The following MLIP variants were observed in gnomAD, a reference collection of about 807,000 sequenced individuals.
MLIP encodes the protein muscular LMNA-interacting protein.
In MLIP, 79 loss-of-function variants were observed where a neutral mutation model predicts 84.8. The ratio of observed to expected loss-of-function variants is 0.93; its 90% CI spans 0.78 to 1.12. MLIP has a LOEUF of 1.12. Among genes scored for constraint, MLIP ranks in the 50% most tolerant of loss-of-function variants. The pLI is 0.00. For missense variants in MLIP, 1,257 were observed against 1,160.6 expected (o/e 1.08, Z -1.21); for synonymous variants, 504 against 463.0 (o/e 1.09, Z -1.14).
At chr6:54,105,314 C>T (rs577694272) in intron 1 of MLIP, among the ~76,000 whole-genome samples, 12 of 152,240 alleles carry the variant, frequency 7.9e-5, no homozygotes, top group East Asian at 7.7e-4. Flanking sequence ...GGGCTGTGAA[C>T]GCCAGTGATT....
At chr6:54,218,349 G>A (rs1004222344) in intron 11 of MLIP, among the ~76,000 whole-genome samples, 1 of 152,110 alleles carries the variant, frequency 6.6e-6, no homozygotes, top group African/African-American at 2.4e-5. Context: ...CATAGACAGG[G>A]TACTGTGAAA....
intron 1 of MLIP, among the ~76,000 whole-genome samples, chr6:54,039,691 A>T (rs1474559090): frequency 1.3e-5 from 2 of 152,034 alleles, no homozygotes; most frequent in Admixed American, 6.6e-5. Flanking sequence ...TTTCCCTAAG[A>T]TCACTTAGTG....
At chr6:54,220,271 A>G (rs1274243699) in intron 11 of MLIP, among the ~76,000 whole-genome samples, 2 of 152,128 alleles carry the variant, frequency 1.3e-5, no homozygotes, top group East Asian at 3.8e-4. Context: ...ATCATACTTG[A>G]TAAGACATTA....
intron 1 of MLIP, among the ~76,000 whole-genome samples, chr6:54,085,787 A>C (rs1426756616): frequency 6.6e-6 from 1 of 152,152 alleles, no homozygotes; most frequent in Non-Finnish European, 1.5e-5. Flanking sequence ...TCATTTTCCT[A>C]CATGAATAGT....
At chr6:54,051,304 A>G (rs1409045792) in intron 1 of MLIP, among the ~76,000 whole-genome samples, 2 of 151,924 alleles carry the variant, frequency 1.3e-5, no homozygotes, top group Non-Finnish European at 2.9e-5. Flanking sequence ...CTTAGAATCA[A>G]TGCATTCTTT....
chr6:54,108,266 T>C (rs186791497), upstream of MLIP, among the ~76,000 whole-genome samples: 17 of 152,318 alleles, frequency 1.1e-4, no homozygotes, highest in East Asian at 3.3e-3. Flanking sequence ...TAAAAGTTTG[T>C]GATTATAAAA....
intron 1 of MLIP, among the ~76,000 whole-genome samples, chr6:54,020,465 G>A (rs755900919): frequency 6.6e-6 from 1 of 152,192 alleles, no homozygotes; most frequent in Non-Finnish European, 1.5e-5. Context: ...TATGAAACCA[G>A]ATAGGGAGTA....
chr6:54,088,715 T>C (rs1297577731), intron 1 of MLIP, among the ~76,000 whole-genome samples: 1 of 152,206 alleles, frequency 6.6e-6, no homozygotes, highest in Non-Finnish European at 1.5e-5. Flanking sequence ...CTCGCGGTTG[T>C]GCCAGGTGAT....
chr6:54,218,489 G>A (rs975554593), intron 11 of MLIP, among the ~76,000 whole-genome samples: 1 of 152,122 alleles, frequency 6.6e-6, no homozygotes, highest in African/African-American at 2.4e-5. Context: ...GTACATTATT[G>A]TAGACTTTAG....
chr6:54,257,465 C>A, intron 13 of MLIP, 104 bp downstream of exon 13: 1 of 821,282 alleles, frequency 1.2e-6, no homozygotes. Flanking sequence ...GCTTTTATAA[C>A]AAAAGAAAGA....
chr6:54,195,205 T>C (rs1312995563), intron 10 of MLIP, among the ~76,000 whole-genome samples: 3 of 152,086 alleles, frequency 2.0e-5, no homozygotes, highest in Admixed American at 1.3e-4. Flanking sequence ...TTTGAGCCCA[T>C]AAAATTAGTA....
At chr6:54,026,772 A>G (rs1256158910) in intron 1 of MLIP, among the ~76,000 whole-genome samples, 2 of 151,708 alleles carry the variant, frequency 1.3e-5, no homozygotes. Context: ...TATTCCAAAG[A>G]GGTTTTCTAT....
chr6:54,235,896 T>C (rs943147316), intron 12 of MLIP, among the ~76,000 whole-genome samples: 3 of 152,190 alleles, frequency 2.0e-5, no homozygotes, highest in South Asian at 2.1e-4. Context: ...ATGAGCCATA[T>C]AATACATGGT....
intron 10 of MLIP, among the ~76,000 whole-genome samples, chr6:54,196,735 G>T (rs1303743542): frequency 1.3e-5 from 2 of 152,018 alleles, no homozygotes; most frequent in Non-Finnish European, 2.9e-5. Flanking sequence ...CCAGGTACAG[G>T]CACCATTCTA....
At position 54,066,122 on chromosome 6, in the gene MLIP, T is replaced by A. The variant is rs1051781793; in HGVS notation, c.63+47031T>A. On this transcript the variant is annotated intron_variant, in intron 1 of 12. Transcript: ENST00000274897. ...TGACAATTTGAACTGTTTTTGTATT[T>A]TCCTTTAAACTGCTGTTATAAATGT... is the stretch of plus-strand genomic sequence containing the variant. 5.0e-5 allele frequency among the ~76,000 whole-genome samples: 5 copies of A among 99,742 alleles called. 2 individuals are homozygous for A. The highest frequency in any genetic ancestry group is 1.1e-4 in the Non-Finnish European group (4 of 34,894). 65.4% of individuals were successfully genotyped at this position (99,742 alleles called of 152,430 possible).
At chr6:54,187,561 C>T (rs569812130) in intron 9 of MLIP, among the ~76,000 whole-genome samples, 7 of 152,234 alleles carry the variant, frequency 4.6e-5, no homozygotes, top group African/African-American at 1.7e-4. Context: ...ACTTCAATTG[C>T]CATGTTAAAC....
intron 12 of MLIP, among the ~76,000 whole-genome samples, chr6:54,249,155 G>C (rs896361781): frequency 1.3e-5 from 2 of 151,912 alleles, no homozygotes; most frequent in African/African-American, 2.4e-5. Context: ...TCAATCAATA[G>C]ATTTTTTTGC....
Position 54,121,474 on chromosome 6 carries a change from C to T in MLIP, c.124C>T (p.Pro42Ser), listed in dbSNP as rs1419644160. ...QVSAGGSEAKPLIFTFVPTVR... is the reference protein window; with the variant it reads ...QVSAGGSEAKSLIFTFVPTVR... ...CTCTGCTGGTGGTTCTGAAGCCAAACCTCTGATCTTCACATTTGTCCCCAC... is the reference window on the plus strand; with the variant it reads ...CTCTGCTGGTGGTTCTGAAGCCAAATCTCTGATCTTCACATTTGTCCCCAC... The change falls in exon 2 of 14, where the codon CCT (proline) becomes TCT (serine). Residue 42 changes from proline to serine, a missense_variant. Pro to Ser is a moderately conservative substitution (Grantham distance 74, BLOSUM62 -1). Transcript: ENST00000502396. 1.9e-6 allele frequency: 3 copies of T among 1,614,086 alleles called. No homozygotes were observed. The highest frequency in any genetic ancestry group is 4.5e-5 in the East Asian group (2 of 44,868).
intron 1 of MLIP, among the ~76,000 whole-genome samples, chr6:54,025,830 G>A (rs1245386722): frequency 6.6e-6 from 1 of 152,106 alleles, no homozygotes; most frequent in African/African-American, 2.4e-5. Context: ...GACTGCAGCT[G>A]CCCTCCCTAA....
Sources: gnomAD v4.1 joint callset for allele counts (sites outside exome capture counted in the v4.1 genomes callset) on GRCh38, gnomAD v4.1.1 for gene constraint, MANE v1.5 for transcripts, NCBI Gene and HGNC (gene_info 2026-07-23, HGNC 2026-07-21) for gene names.